The following TBC1D22A variants were observed in gnomAD, a reference collection of about 807,000 sequenced individuals.
TBC1D22A encodes TBC1 domain family member 22A, also known as putative GTPase activator.
A neutral mutation model predicts 60.2 loss-of-function variants in TBC1D22A; 38 were observed. The ratio of observed to expected loss-of-function variants is 0.63; its 90% CI spans 0.49 to 0.83. The LOEUF (loss-of-function observed/expected upper bound fraction) is 0.83. Among genes scored for constraint, TBC1D22A ranks in the 40% least tolerant of loss-of-function variants. TBC1D22A has a pLI of 0.00. For synonymous variants in TBC1D22A, 302 were observed against 281.7 expected (o/e 1.07, Z -0.72); for missense variants, 628 against 701.0 (o/e 0.90, Z 1.18).
At chr22:46,808,382 T>A (rs2085241305) in intron 4 of TBC1D22A, among the ~76,000 whole-genome samples, 1 of 151,136 alleles carries the variant, frequency 6.6e-6, no homozygotes, top group Admixed American at 6.6e-5. Flanking sequence ...AATAAAAAAA[T>A]AAAGAAATGC....
At chr22:47,079,866 A>G (rs2147556344) in intron 11 of TBC1D22A, among the ~76,000 whole-genome samples, 1 of 152,366 alleles carries the variant, frequency 6.6e-6, no homozygotes, top group Non-Finnish European at 1.5e-5. Flanking sequence ...GCAAGATCCA[A>G]CTATGTGCTG....
intron 8 of TBC1D22A, among the ~76,000 whole-genome samples, chr22:46,962,182 C>T (rs1033632219): frequency 2.6e-5 from 4 of 152,184 alleles, no homozygotes; most frequent in Admixed American, 1.3e-4. Flanking sequence ...ACCTCACTGC[C>T]CCTCCTGCTC....
intron 10 of TBC1D22A, among the ~76,000 whole-genome samples, chr22:47,036,124 A>G (rs1274219739): frequency 6.6e-6 from 1 of 152,182 alleles, no homozygotes; most frequent in Non-Finnish European, 1.5e-5. Flanking sequence ...AAGCAGGGTA[A>G]GGAAGTGAGC....
chr22:46,883,219 T>G (rs1331688329), intron 5 of TBC1D22A, among the ~76,000 whole-genome samples: 1 of 152,216 alleles, frequency 6.6e-6, no homozygotes, highest in African/African-American at 2.4e-5. Flanking sequence ...TGCAGTTTAT[T>G]GAGGTAGGTT....
At chr22:46,914,022 A>G (rs2070159107) in intron 8 of TBC1D22A, 1 of 153,852 alleles carries the variant, frequency 6.5e-6, no homozygotes, top group East Asian at 1.9e-4. Flanking sequence ...ACACGCAGGC[A>G]CATGCACACA....
chr22:46,808,128 C>T (rs923985602), intron 4 of TBC1D22A, among the ~76,000 whole-genome samples: 3 of 152,098 alleles, frequency 2.0e-5, no homozygotes, highest in African/African-American at 4.8e-5. Context: ...GAGGCCGAGG[C>T]GGGTGGATCA....
intron 4 of TBC1D22A, among the ~76,000 whole-genome samples, chr22:46,825,648 C>G (rs542367565): frequency 1.3e-5 from 2 of 150,204 alleles, no homozygotes; most frequent in South Asian, 4.2e-4. Flanking sequence ...TAATTTTTGT[C>G]TTTTTAGTAG....
intron 1 of TBC1D22A, among the ~76,000 whole-genome samples, chr22:46,783,991 A>G (rs801613): frequency 0.047 from 7,130 of 152,264 alleles, 563 homozygotes; most frequent in African/African-American, 0.16. Flanking sequence ...TTAATAAAAA[A>G]CAGTAGATTA....
At chr22:46,902,455 G>A (rs1453887659) in intron 7 of TBC1D22A, among the ~76,000 whole-genome samples, 1 of 152,240 alleles carries the variant, frequency 6.6e-6, no homozygotes, top group Non-Finnish European at 1.5e-5. Context: ...TATCCAGTGA[G>A]TACTTCTTGT....
At chr22:47,047,639 A>G (rs972370322) in intron 11 of TBC1D22A, among the ~76,000 whole-genome samples, 7 of 152,202 alleles carry the variant, frequency 4.6e-5, no homozygotes, top group African/African-American at 1.7e-4. Context: ...CCCACCAGTG[A>G]TGGTGACCAA....
Position 47,002,333 on chromosome 22 carries a change from C to G in TBC1D22A, c.1201+4624C>G, listed in dbSNP as rs145937013. 8.5e-5 allele frequency among the ~76,000 whole-genome samples: 13 copies of G among 152,326 alleles called. No individual in the cohort carries two copies. The East Asian group carries it at 1.9e-3, about 23-fold the overall frequency. Reference sequence around the variant, plus strand: ...GAAATCACATGATCCCTGTTTGTCCCCAAGATAGAATGGCCAGAGGAGTGG... The same window carrying G: ...GAAATCACATGATCCCTGTTTGTCCGCAAGATAGAATGGCCAGAGGAGTGG... On this transcript the variant is annotated intron_variant, in intron 10 of 12. Coordinates refer to ENST00000337137, the MANE Select transcript of TBC1D22A (RefSeq NM_014346.5).
At chr22:46,909,561 T>A (rs1348195485) in intron 7 of TBC1D22A, among the ~76,000 whole-genome samples, 1 of 152,142 alleles carries the variant, frequency 6.6e-6, no homozygotes, top group Non-Finnish European at 1.5e-5. Flanking sequence ...GGTTAGGAGG[T>A]GCTGGGCAGA....
At chr22:47,046,720 C>G (rs1397985368) in intron 11 of TBC1D22A, among the ~76,000 whole-genome samples, 3 of 152,208 alleles carry the variant, frequency 2.0e-5, no homozygotes, top group Admixed American at 2.0e-4. Flanking sequence ...GAAGCCTCCT[C>G]CCCGCACTTG....
At chr22:46,877,462 T>A (rs2067620141) in intron 4 of TBC1D22A, among the ~76,000 whole-genome samples, 1 of 152,178 alleles carries the variant, frequency 6.6e-6, no homozygotes, top group Non-Finnish European at 1.5e-5. Flanking sequence ...GGGAACATGG[T>A]CGGTAAACAT....
At chr22:46,818,555 A>G (rs1272493006) in intron 4 of TBC1D22A, among the ~76,000 whole-genome samples, 1 of 152,026 alleles carries the variant, frequency 6.6e-6, no homozygotes, top group Non-Finnish European at 1.5e-5. Flanking sequence ...GATCAGATAG[A>G]TGGCTGTAAG....
At chr22:47,055,460 C>G (rs2063361007) in intron 11 of TBC1D22A, among the ~76,000 whole-genome samples, 1 of 152,170 alleles carries the variant, frequency 6.6e-6, no homozygotes, top group African/African-American at 2.4e-5. Flanking sequence ...TTAATACACA[C>G]CCAAATCAGA....
intron 11 of TBC1D22A, among the ~76,000 whole-genome samples, chr22:47,094,650 C>G (rs115103946): frequency 0.011 from 1,702 of 152,296 alleles, 30 homozygotes; most frequent in African/African-American, 0.039. Flanking sequence ...ACTGATACAT[C>G]AACCAAAGAA....
chr22:46,789,759 A>G (rs1184531397), intron 1 of TBC1D22A, among the ~76,000 whole-genome samples: 4 of 152,230 alleles, frequency 2.6e-5, no homozygotes, highest in African/African-American at 9.6e-5. Flanking sequence ...TACTGAATAA[A>G]TGACATTTGA....
intron 11 of TBC1D22A, among the ~76,000 whole-genome samples, chr22:47,084,553 G>T (rs530171900): frequency 1.3e-5 from 2 of 152,230 alleles, no homozygotes; most frequent in African/African-American, 2.4e-5. Context: ...TGCTCTAGGG[G>T]GACTCTTGAA....
Sources: gnomAD v4.1 joint callset for allele counts (sites outside exome capture counted in the v4.1 genomes callset) on GRCh38, gnomAD v4.1.1 for gene constraint, MANE v1.5 for transcripts, NCBI Gene and HGNC (gene_info 2026-07-23, HGNC 2026-07-21) for gene names.